Variants in ACP1 observed in about 807,000 individuals in gnomAD.
ACP1 encodes the protein acid phosphatase 1, also known as low molecular weight phosphotyrosine protein phosphatase.
Under a neutral mutation model 23.4 loss-of-function variants are expected in ACP1, and 23 were observed. That is an observed-to-expected ratio of 0.98 (90% CI 0.71 to 1.39). ACP1 has a LOEUF of 1.39. Among genes scored for constraint, ACP1 ranks in the 40% most tolerant of loss-of-function variants. The pLI is 0.00. For missense variants in ACP1, 180 were observed against 197.7 expected, an observed-to-expected ratio of 0.91 and a Z score of 0.54; for synonymous variants, 72 against 67.2, an observed-to-expected ratio of 1.07 and a Z score of -0.35.
intron 1 of ACP1, 116 bp from the exon 2 acceptor site, chr2:271,750 T>A (rs1670037382): frequency 1.9e-5 from 16 of 829,398 alleles, no homozygotes; most frequent in Non-Finnish European, 3.3e-5. Context: ...TGTTGGCCTT[T>A]GTTTTTCCTG....
At chr2:272,411 G>T in intron 3 of ACP1, 1 of 1,490,140 alleles carries the variant, frequency 6.7e-7, no homozygotes, top group South Asian at 1.4e-5. Context: ...TATTTAGGGT[G>T]AGCTTAACCA....
rs57562699 is a variant in ACP1 at position 265,209 on chromosome 2, C to G, written c.43+202C>G. 7.1e-4 allele frequency: 381 copies of G among 533,534 alleles called. No individual in the cohort carries two copies. Among genetic ancestry groups the G allele is most frequent in the African/African-American group, 6.8e-3 (340 of 49,686 alleles). 33.0% of individuals were successfully genotyped at this position (533,534 alleles called of 1,614,324 possible). ...CACCCGCCCAGCCTGCCCGCTAAAC[C>G]TGGGTCCCCTCGCGCCTGCCATATA... On this transcript the variant is annotated intron_variant, in intron 1 of 5. Coordinates refer to ENST00000272065, the MANE Select transcript of ACP1 (RefSeq NM_004300.4).
intron 4 of ACP1, among the ~76,000 whole-genome samples, chr2:276,063 A>G (rs920349308): frequency 6.6e-6 from 1 of 152,076 alleles, no homozygotes; most frequent in African/African-American, 2.4e-5. Context: ...CCTTTTTAGG[A>G]GACCCCATTT....
rs2103077282 is a variant in ACP1 at position 277,455 on chromosome 2, A to G, written c.*151A>G. The G allele has an allele frequency of 4.4e-6, 3 of 682,558 alleles. No homozygotes were observed. The highest frequency in any genetic ancestry group is 3.5e-5 in the South Asian group (2 of 57,368). The allele number at this position is 682,558 out of a possible 1,614,324, so 42.3% of individuals were successfully genotyped here. A position where few individuals can be genotyped will look rare whatever the true frequency, so the allele number is the denominator to read the frequency against. On this transcript the variant is annotated 3_prime_UTR_variant, in exon 6 of 6. Coordinates refer to ENST00000272065, the MANE Select transcript of ACP1 (RefSeq NM_004300.4). ...TTCTTACCTTAAAAAGTAATTGTAGATGGAAATCAGTTGTGTTTGGCAGGA... is the reference window on the plus strand; with the variant it reads ...TTCTTACCTTAAAAAGTAATTGTAGGTGGAAATCAGTTGTGTTTGGCAGGA...
chr2:270,080 G>C (rs1669989027), intron 1 of ACP1, among the ~76,000 whole-genome samples: 1 of 152,174 alleles, frequency 6.6e-6, no homozygotes, highest in Non-Finnish European at 1.5e-5. Flanking sequence ...CTCTTACAAG[G>C]TCTCTCCAAT....
chr2:277,519 T>A lies in ACP1; in HGVS notation c.*215T>A. The A allele has an allele frequency of 1.7e-6, 1 of 581,254 alleles. No homozygotes were observed. The allele number at this position is 581,254 out of a possible 1,614,324, so 36.0% of individuals were successfully genotyped here. ...TCTTTGATTCAGACAGCTTATGGGGTATTTTAAGCATTCTTAGACTAGTTG... is the reference window on the plus strand; with the variant it reads ...TCTTTGATTCAGACAGCTTATGGGGAATTTTAAGCATTCTTAGACTAGTTG... On this transcript the variant is annotated 3_prime_UTR_variant, in exon 6 of 6. Transcript: ENST00000272065.
In ACP1 at chr2:272,052, G is replaced by A. The variant is rs140659819; in HGVS notation, c.133G>A (p.Ala45Thr). The A allele has an allele frequency of 9.3e-6, 15 of 1,613,690 alleles. No individual in the cohort carries two copies. The Admixed American group carries it at 1.0e-4, about 11-fold the overall frequency. The part of the protein sequence containing the change: ...NISENWRVDS[A>T]ATSGYEIGNP... ...TCCCCTGCAGTGGAGGGTAGACAGC[G>A]CGGCAACTTCCGGGTATGAGATAGG... The change falls in exon 3 of 6, where the codon GCG becomes ACG. Residue 45 changes from alanine to threonine, a missense_variant. By Grantham distance (58) the Ala-to-Thr change is moderately conservative. Around this residue, in one of 3 missense-constraint regions of ACP1, gnomAD observed 132 missense variants for 124.1 expected, o/e 1.06. Transcript: ENST00000272065.
chr2:276,832 A>G, intron 4 of ACP1, 148 bp from the exon 5 acceptor site: 2 of 602,976 alleles, frequency 3.3e-6, no homozygotes, highest in East Asian at 5.7e-5. Flanking sequence ...AGAAGGGGCC[A>G]CACGGGCCTG....
intron 1 of ACP1, among the ~76,000 whole-genome samples, chr2:270,233 T>C (rs879684723): frequency 2.0e-5 from 3 of 152,216 alleles, no homozygotes; most frequent in Non-Finnish European, 4.4e-5. Context: ...AAAATATGTT[T>C]GTTGAATAAG....
chr2:271,213 T>C lies in ACP1; in HGVS notation c.44-653T>C, dbSNP rs13395654. ...ACAGTAGTCATCCTTATGTGTGATA[T>C]ACTTGAAAATACATACAGTTGACCC... is the stretch of plus-strand genomic sequence containing the variant. On this transcript the variant is annotated intron_variant, in intron 1 of 5. Transcript: ENST00000272065. Among the ~76,000 whole-genome samples, 598 of 150,806 alleles carry C rather than the reference T, an allele frequency of 4.0e-3. 7 individuals carry two copies. The highest frequency in any genetic ancestry group is 0.014 in the African/African-American group (579 of 40,102).
chr2:273,931 G>A (rs1670107805), intron 3 of ACP1, among the ~76,000 whole-genome samples: 1 of 152,130 alleles, frequency 6.6e-6, no homozygotes, highest in Non-Finnish European at 1.5e-5. Context: ...ACTTTGGGAG[G>A]CTCAACATTG....
intron 1 of ACP1, among the ~76,000 whole-genome samples, chr2:268,701 A>G (rs1287788167): frequency 6.6e-5 from 10 of 152,254 alleles, no homozygotes; most frequent in Admixed American, 5.2e-4. Context: ...TAATTTGGAA[A>G]AGACAAACTT....
Position 277,932 on chromosome 2 carries a change from A to T in ACP1, c.*628A>T, listed in dbSNP as rs540413467. 2 of 152,742 alleles carry T rather than the reference A, an allele frequency of 1.3e-5. No homozygotes were observed. The highest frequency in any genetic ancestry group is 2.1e-4 in the South Asian group (1 of 4,844). 9.5% of individuals were successfully genotyped at this position (152,742 alleles called of 1,614,324 possible). ...TTTTTGTCGAGTTTACTTCATGAGG[A>T]GGTCAGCCCATTGGCTCCCATCTGA... On this transcript the variant is annotated 3_prime_UTR_variant, in exon 6 of 6. Coordinates refer to ENST00000272065, the MANE Select transcript of ACP1 (RefSeq NM_004300.4).
At chr2:269,270 A>G (rs996728884) in intron 1 of ACP1, 5 of 469,616 alleles carry the variant, frequency 1.1e-5, no homozygotes, top group Non-Finnish European at 2.2e-5. Flanking sequence ...ATTCAAGGCT[A>G]ATTTGTTGTC....
At chr2:276,188 G>A (rs1670166441) in intron 4 of ACP1, among the ~76,000 whole-genome samples, 1 of 152,074 alleles carries the variant, frequency 6.6e-6, no homozygotes, top group Non-Finnish European at 1.5e-5. Context: ...TGCTTCTTGG[G>A]TCATTCGGCT....
chr2:270,129 G>A (rs1196679619), intron 1 of ACP1, among the ~76,000 whole-genome samples: 1 of 152,162 alleles, frequency 6.6e-6, no homozygotes, highest in Non-Finnish European at 1.5e-5. Flanking sequence ...TAGCTGTGCC[G>A]GTAATTTTGG....
At chr2:276,931 A>T in intron 4 of ACP1, 49 bp from the exon 5 acceptor site, 1 of 1,189,748 alleles carries the variant, frequency 8.4e-7, no homozygotes, top group Non-Finnish European at 1.2e-6. Flanking sequence ...GTCCCTGTTT[A>T]ACTTGAAACC....
intron 1 of ACP1, among the ~76,000 whole-genome samples, chr2:269,819 C>T (rs2952781): frequency 0.018 from 2,807 of 152,306 alleles, 43 homozygotes; most frequent in Non-Finnish European, 0.026. Flanking sequence ...AATGCTGTGG[C>T]CCTGCTGGGT....
At chr2:272,255 G>T in intron 3 of ACP1, 105 bp downstream of exon 3, 1 of 1,614,172 alleles carries the variant, frequency 6.2e-7, no homozygotes, top group Non-Finnish European at 8.5e-7. Context: ...CCCAAGAGCT[G>T]TGAGCTGCCT....
Sources: allele counts gnomAD v4.1 joint callset (sites outside exome capture counted in the v4.1 genomes callset), GRCh38; gene constraint gnomAD v4.1.1; regional missense constraint gnomAD v4.1.1; transcripts MANE v1.5; gene names NCBI Gene and HGNC (gene_info 2026-07-23, HGNC 2026-07-21).